CADM2: variants seen among roughly 807,000 people sequenced by gnomAD.
CADM2 encodes cell adhesion molecule 2, also known as immunoglobulin superfamily member 4D.
Under a neutral mutation model 49.8 loss-of-function variants are expected in CADM2, and 12 were observed. The observed-to-expected ratio is 0.24, with a 90% confidence interval of 0.15 to 0.39. CADM2 has a LOEUF of 0.39. CADM2 is among the 10% of genes least tolerant of loss of function. The probability of loss-of-function intolerance (pLI) is 1.00; values close to 1 mark genes in which losing one functional copy is unlikely to be tolerated. For missense variants in CADM2, 378 were observed against 492.3 expected (o/e 0.77, Z 2.20); for synonymous variants, 214 against 175.4 (o/e 1.22, Z -1.74).
chr3:85,878,859 T>G (rs1025646603), intron 3 of CADM2, among the ~76,000 whole-genome samples: 3 of 152,078 alleles, frequency 2.0e-5, no homozygotes, highest in Non-Finnish European at 4.4e-5. Context: ...GTAAGCTCTG[T>G]CTGTGTCAGT....
At chr3:86,053,071 A>G (rs551794248) in intron 8 of CADM2, among the ~76,000 whole-genome samples, 36 of 152,234 alleles carry the variant, frequency 2.4e-4, no homozygotes, top group South Asian at 4.1e-4. Context: ...TTATACCAGT[A>G]TTTTCTTCTG....
At chr3:85,371,234 C>G (rs1043903074) in intron 1 of CADM2, among the ~76,000 whole-genome samples, 3 of 152,070 alleles carry the variant, frequency 2.0e-5, no homozygotes, top group African/African-American at 7.2e-5. Flanking sequence ...AAGTTCTTCA[C>G]ATTCACTCAC....
At chr3:85,147,754 A>G (rs2039798012) in intron 1 of CADM2, among the ~76,000 whole-genome samples, 1 of 152,192 alleles carries the variant, frequency 6.6e-6, no homozygotes, top group Non-Finnish European at 1.5e-5. Flanking sequence ...AATTTTATTT[A>G]TGTTGATCAA....
At chr3:85,687,522 A>T (rs1178810839) in intron 1 of CADM2, among the ~76,000 whole-genome samples, 1 of 152,204 alleles carries the variant, frequency 6.6e-6, no homozygotes, top group African/African-American at 2.4e-5. Context: ...GTTAGAAATT[A>T]ATAATTCAAG....
intron 3 of CADM2, among the ~76,000 whole-genome samples, chr3:85,816,761 G>A (rs1274883224): frequency 1.3e-5 from 2 of 151,952 alleles, no homozygotes; most frequent in East Asian, 3.9e-4. Context: ...CACACACAGC[G>A]ACTCGCTAAG....
chr3:85,794,627 A>G (rs1383735392), intron 2 of CADM2, among the ~76,000 whole-genome samples: 7 of 152,096 alleles, frequency 4.6e-5, no homozygotes, highest in African/African-American at 9.7e-5. Flanking sequence ...GTTTGATAAG[A>G]ATGACTCCTC....
intron 1 of CADM2, among the ~76,000 whole-genome samples, chr3:85,265,366 T>G (rs2043100842): frequency 6.6e-6 from 1 of 151,982 alleles, no homozygotes; most frequent in Admixed American, 6.6e-5. Flanking sequence ...TTATAAAAGA[T>G]TAAAGTTTAT....
At chr3:85,398,251 G>T (rs1339003333) in intron 1 of CADM2, among the ~76,000 whole-genome samples, 1 of 151,678 alleles carries the variant, frequency 6.6e-6, no homozygotes, top group Non-Finnish European at 1.5e-5. Context: ...GTGAGAACTT[G>T]CAGTGTTTGG....
rs9860253 is a variant in CADM2 at position 85,608,325 on chromosome 3, G to A, written c.62-118197G>A. On this transcript the variant is annotated intron_variant, in intron 1 of 9. Coordinates refer to ENST00000383699, the MANE Select transcript of CADM2 (RefSeq NM_001167675.2). ...AATAGGGCCACCTATTAATTAAGTC[G>A]CTATGGGTAGATTTTGTAAAAAGCA... Among the ~76,000 whole-genome samples the A allele has an allele frequency of 5.3e-3, 807 of 152,130 alleles. 10 individuals are homozygous for A. Among genetic ancestry groups the A allele is most frequent in the African/African-American group, 0.019 (778 of 41,516 alleles).
At chr3:85,515,980 C>T (rs1208049928) in intron 1 of CADM2, among the ~76,000 whole-genome samples, 1 of 152,052 alleles carries the variant, frequency 6.6e-6, no homozygotes, top group Non-Finnish European at 1.5e-5. Context: ...ACAAACTTGT[C>T]ATCCTCATAA....
At chr3:85,441,369 A>G (rs2037194310) in intron 1 of CADM2, among the ~76,000 whole-genome samples, 1 of 152,038 alleles carries the variant, frequency 6.6e-6, no homozygotes, top group Non-Finnish European at 1.5e-5. Flanking sequence ...TATTATAAAT[A>G]AACATAATAT....
At chr3:85,255,057 T>C (rs2042854826) in intron 1 of CADM2, among the ~76,000 whole-genome samples, 1 of 152,116 alleles carries the variant, frequency 6.6e-6, no homozygotes, top group African/African-American at 2.4e-5. Context: ...AGTCCAAGTA[T>C]GTATTCAATT....
At chr3:85,598,377 T>C (rs1383257855) in intron 1 of CADM2, among the ~76,000 whole-genome samples, 1 of 151,986 alleles carries the variant, frequency 6.6e-6, no homozygotes, top group African/African-American at 2.4e-5. Context: ...TCCTCCAGGA[T>C]AGTAAAATCT....
At chr3:85,092,330 CTT>C (rs1462367847) in intron 1 of CADM2, among the ~76,000 whole-genome samples, 2 of 152,054 alleles carry the variant, frequency 1.3e-5, no homozygotes, top group Non-Finnish European at 2.9e-5. Flanking sequence ...GAATAGCAGA[CTT>C]ATATAATTCA....
At chr3:85,621,583 G>C (rs763385130) in intron 1 of CADM2, among the ~76,000 whole-genome samples, 1 of 151,970 alleles carries the variant, frequency 6.6e-6, no homozygotes, top group Non-Finnish European at 1.5e-5. Context: ...CGATTACTCT[G>C]CTCTGTTTTT....
At chr3:85,179,805 C>A (rs917775612) in intron 1 of CADM2, among the ~76,000 whole-genome samples, 4 of 151,966 alleles carry the variant, frequency 2.6e-5, no homozygotes, top group African/African-American at 9.7e-5. Context: ...AATGCGAAGC[C>A]AACCTTTTTA....
chr3:85,967,194 T>C (rs1725586998), intron 8 of CADM2, among the ~76,000 whole-genome samples: 1 of 151,652 alleles, frequency 6.6e-6, no homozygotes, highest in African/African-American at 2.4e-5. Context: ...CACATATCGT[T>C]TTCAGAGACT....
intron 1 of CADM2, among the ~76,000 whole-genome samples, chr3:85,199,746 T>C (rs1370793873): frequency 6.6e-6 from 1 of 152,024 alleles, no homozygotes; most frequent in African/African-American, 2.4e-5. Context: ...TTCAAGTCTA[T>C]AATAATTAAG....
chr3:85,427,198 A>ATATG (rs1272641304), intron 1 of CADM2, among the ~76,000 whole-genome samples: 12 of 122,344 alleles, frequency 9.8e-5, no homozygotes, highest in African/African-American at 3.3e-4. Context: ...ATATATATAT[A>ATATG]TATGTATAAT....
Sources: allele counts gnomAD v4.1 joint callset (sites outside exome capture counted in the v4.1 genomes callset), GRCh38; gene constraint gnomAD v4.1.1; transcripts MANE v1.5; gene names NCBI Gene and HGNC (gene_info 2026-07-23, HGNC 2026-07-21).